ZNF398: variants seen among roughly 807,000 people sequenced by gnomAD.
The protein encoded by ZNF398 is zinc finger DNA binding protein ZER6.
A neutral mutation model predicts 41.9 loss-of-function variants in ZNF398; 18 were observed. The ratio of observed to expected loss-of-function variants is 0.43; its 90% CI spans 0.30 to 0.64. The LOEUF is 0.64. ZNF398 is among the 30% of genes least tolerant of loss of function. The probability of loss-of-function intolerance (pLI) is 0.14; values close to 1 mark genes in which losing one functional copy is unlikely to be tolerated. For missense variants in ZNF398, 669 were observed against 822.8 expected, an observed-to-expected ratio of 0.81 and a Z score of 2.29; for synonymous variants, 260 against 308.8, an observed-to-expected ratio of 0.84 and a Z score of 1.66.
chr7:149,131,994 C>G (rs1019234598), intron 2 of ZNF398, among the ~76,000 whole-genome samples: 1 of 152,048 alleles, frequency 6.6e-6, no homozygotes, highest in Non-Finnish European at 1.5e-5. Context: ...TGTTTATAGT[C>G]AAATTTTAGT....
chr7:149,156,244 C>T (rs1437058281), intron 2 of ZNF398, among the ~76,000 whole-genome samples: 11 of 151,822 alleles, frequency 7.2e-5, no homozygotes, highest in Non-Finnish European at 1.5e-4. Flanking sequence ...CATTGGCTCA[C>T]GCCTGTAATC....
intron 2 of ZNF398, among the ~76,000 whole-genome samples, chr7:149,132,413 C>G (rs145027874): frequency 6.6e-6 from 1 of 151,990 alleles, no homozygotes; most frequent in Admixed American, 6.6e-5. Flanking sequence ...AGGCTGGTCT[C>G]GAACTCCTGA....
chr7:149,131,263 C>T (rs145087077), intron 2 of ZNF398, among the ~76,000 whole-genome samples: 26 of 152,266 alleles, frequency 1.7e-4, no homozygotes, highest in Admixed American at 5.2e-4. Flanking sequence ...ATTCTTATTA[C>T]GTGCTAAATT....
chr7:149,127,514 G>C (rs995852671), intron 1 of ZNF398, among the ~76,000 whole-genome samples: 12 of 136,796 alleles, frequency 8.8e-5, no homozygotes, highest in African/African-American at 3.2e-4. Context: ...AGACCATCCT[G>C]GCTAACGGCG....
Position 149,178,888 on chromosome 7 carries a change from G to A in ZNF398, c.1016G>A (p.Gly339Asp). 1.2e-6 allele frequency: 2 copies of A among 1,614,026 alleles called. No individual in the cohort carries two copies. The highest frequency in any genetic ancestry group is 1.7e-6 in the Non-Finnish European group (2 of 1,179,964). ...AGCTATCCCCTCCCACCTCCAGTTG[G>A]CGAGCAGGTGTTCTCATGCCACCAC... is the stretch of plus-strand genomic sequence containing the variant. ...LGSYPLPPPV[G>D]EQVFSCHHCG... Residue 339 changes from glycine (G) to aspartate (D), a missense_variant, in exon 6 of 6, where the codon GGC (glycine) becomes GAC (aspartate). By Grantham distance (94) the Gly-to-Asp change is moderately conservative. Transcript: ENST00000475153.
intron 2 of ZNF398, among the ~76,000 whole-genome samples, chr7:149,160,284 AG>A (rs1305653413): frequency 6.6e-6 from 1 of 152,142 alleles, no homozygotes; most frequent in Non-Finnish European, 1.5e-5. Flanking sequence ...ACAAAAAAGT[AG>A]CCAGATGTGG....
intron 2 of ZNF398, among the ~76,000 whole-genome samples, chr7:149,160,074 A>G (rs936855899): frequency 3.4e-4 from 13 of 37,852 alleles, no homozygotes; most frequent in Non-Finnish European, 5.6e-4. Context: ...TAAAAGGAGG[A>G]TAATTAGCTG....
chr7:149,128,780 T>TAAAATAAAATAAAATAAAATTA (rs71192757), intron 1 of ZNF398: 2,524 of 143,228 alleles, frequency 0.018, 77 homozygotes, highest in African/African-American at 0.064. Flanking sequence ...TAAAATAAAA[T>TAAAATAAAATAAAATAAAATTA]TATATATATA....
chr7:149,133,791 G>C (rs1278956624), intron 2 of ZNF398, among the ~76,000 whole-genome samples: 2 of 143,670 alleles, frequency 1.4e-5, no homozygotes, highest in Non-Finnish European at 3.0e-5. Flanking sequence ...TTTTGCCCTT[G>C]TGCAAGCTGG....
exon 1 of ZNF398, chr7:149,126,548 G>A: frequency 2.2e-6 from 1 of 452,560 alleles, no homozygotes; most frequent in South Asian, 2.8e-5. Flanking sequence ...TGACGGGAGG[G>A]GAAACGGAGG....
At chr7:149,129,359 A>G (rs1484136764) in intron 2 of ZNF398, among the ~76,000 whole-genome samples, 7 of 151,974 alleles carry the variant, frequency 4.6e-5, no homozygotes, top group Non-Finnish European at 7.4e-5. Flanking sequence ...TTGTGTGTGA[A>G]AACAGTTTAT....
intron 2 of ZNF398, among the ~76,000 whole-genome samples, chr7:149,163,722 G>T (rs1025106420): frequency 1.3e-5 from 2 of 152,154 alleles, no homozygotes; most frequent in Non-Finnish European, 2.9e-5. Context: ...TGATCCACCC[G>T]CCTTGGCCTT....
At chr7:149,159,543 G>C (rs1795056151) in intron 2 of ZNF398, among the ~76,000 whole-genome samples, 1 of 151,718 alleles carries the variant, frequency 6.6e-6, no homozygotes, top group South Asian at 2.1e-4. Flanking sequence ...AGCTACCCGG[G>C]AGGCTGAGGC....
intron 2 of ZNF398, among the ~76,000 whole-genome samples, chr7:149,164,949 C>T (rs12154368): frequency 0.54 from 81,860 of 151,844 alleles, 25,591 homozygotes; most frequent in East Asian, 0.9. Flanking sequence ...CAAGAATTAG[C>T]GGTGTGTGGT....
At chr7:149,139,955 G>A (rs1490278888) in intron 2 of ZNF398, among the ~76,000 whole-genome samples, 2 of 151,902 alleles carry the variant, frequency 1.3e-5, no homozygotes, top group African/African-American at 2.4e-5. Context: ...CCGAGATTGC[G>A]CCACTGCACT....
upstream of ZNF398, chr7:149,147,338 G>C (rs1826970663): frequency 6.5e-6 from 1 of 153,920 alleles, no homozygotes; most frequent in Non-Finnish European, 1.4e-5. The surrounding 1 kb of genome is among the most constrained non-coding windows in gnomAD (Gnocchi z 5.6). Context: ...AGCTGGGGGG[G>C]AGGGGCGGAG....
At chr7:149,134,891 CA>C (rs1462131796) in intron 2 of ZNF398, among the ~76,000 whole-genome samples, 1 of 151,954 alleles carries the variant, frequency 6.6e-6, no homozygotes, top group Non-Finnish European at 1.5e-5. Flanking sequence ...CCACCACGCC[CA>C]GCTAATTTTT....
At chr7:149,151,141 G>A in intron 1 of ZNF398, 1 of 850,524 alleles carries the variant, frequency 1.2e-6, no homozygotes, top group South Asian at 3.1e-5. Context: ...TCAGTGTTGA[G>A]ATCCCCACTA....
intron 1 of ZNF398, among the ~76,000 whole-genome samples, chr7:149,153,251 G>A (rs1794899336): frequency 6.6e-6 from 1 of 152,160 alleles, no homozygotes; most frequent in Admixed American, 6.6e-5. Context: ...GTTGAGGCAG[G>A]AGGATTGCTT....
Sources: gnomAD v4.1 joint callset for allele counts (sites outside exome capture counted in the v4.1 genomes callset) on GRCh38, gnomAD v4.1.1 for gene constraint, Gnocchi (gnomAD v3.1) non-coding constraint, MANE v1.5 for transcripts, NCBI Gene and HGNC (gene_info 2026-07-23, HGNC 2026-07-21) for gene names.